Variants in MDN1 observed in about 807,000 individuals in gnomAD.
The protein encoded by MDN1 is midasin.
Under a neutral mutation model 669.2 loss-of-function variants are expected in MDN1, and 266 were observed. The observed-to-expected ratio is 0.40, with a 90% CI of 0.36 to 0.44. MDN1 has a LOEUF of 0.44. Among genes scored for constraint, MDN1 ranks in the 20% least tolerant of loss-of-function variants. The pLI, the probability that MDN1 is intolerant of heterozygous loss-of-function variation, is 1.00. For synonymous variants in MDN1, 2,385 were observed against 2,457.1 expected (o/e 0.97, Z 0.87); for missense variants, 5,940 against 6,754.0 (o/e 0.88, Z 4.22).
chr6:89,781,518 T>C lies in MDN1; in HGVS notation c.1524A>G (p.Gly508=). ...TATCACTCCAAGAGTGATGTTTCTC[T>C]CCAGTAAGTTGGATATAAATGTCAA... The part of the protein sequence containing the change: ...HLLDIYIQLT[G]EKHHSWSDSS... Residue 508 remains glycine (G), a synonymous_variant, in exon 10 of 102, where the codon GGA becomes GGG. Coordinates refer to ENST00000369393, the MANE Select transcript of MDN1 (RefSeq NM_014611.3). 6.2e-7 allele frequency: 1 copy of C among 1,613,886 alleles called. No homozygotes were observed. The highest frequency in any genetic ancestry group is 8.5e-7 in the Non-Finnish European group (1 of 1,179,816).
At chr6:89,802,821 T>C (rs1767755840) in intron 2 of MDN1, among the ~76,000 whole-genome samples, 1 of 152,248 alleles carries the variant, frequency 6.6e-6, no homozygotes, top group South Asian at 2.1e-4. Context: ...CTTTTGATTA[T>C]TCCTCAAAAC....
rs543655776 is a variant in MDN1 at position 89,745,632 on chromosome 6, A to C, written c.3905-6T>G. The C allele has an allele frequency of 5.6e-6, 9 of 1,608,832 alleles. No individual in the cohort carries two copies. The highest frequency in any genetic ancestry group is 7.6e-6 in the Non-Finnish European group (9 of 1,176,912). The stretch of plus-strand genomic sequence containing the variant: ...ACCTGCCAGAAGCATATAACCTGGG[A>C]GGAGGAGGAGGAAAAGGAGGAGAGG... On this transcript the variant is annotated splice_region_variant and splice_polypyrimidine_tract_variant and intron_variant, in intron 27 of 101. Transcript: ENST00000369393.
chr6:89,750,395 C>T lies in MDN1; in HGVS notation c.3365G>A (p.Cys1122Tyr), dbSNP rs746938689. Residue 1122 changes from cysteine to tyrosine, a missense_variant, in exon 24 of 102, where the codon TGT becomes TAT. Transcript: ENST00000369393. ...EHTDIQEYIG[C>Y]YTSDSSGKLV... ...CTTCCCTGAGGAGTCAGACGTGTAA[C>T]AACCAATGTACTCCTGAATATCCGT... 6.2e-7 allele frequency: 1 copy of T among 1,613,642 alleles called. No homozygotes were observed.
chr6:89,816,683 T>TC lies in MDN1; in HGVS notation c.102+2822_102+2823insG, dbSNP rs1768860865. 4.1e-5 allele frequency among the ~76,000 whole-genome samples: 6 copies of TC among 147,930 alleles called. No individual in the cohort carries two copies. The South Asian group carries it at 1.3e-3, about 33-fold the overall frequency. ...TCTCCACACCCCTATCTTTTTTTTT[T>TC]TTTTTTTTTGAGACAGAGTCTCGCT... On this transcript the variant is annotated intron_variant, in intron 1 of 101. Coordinates refer to ENST00000369393, the MANE Select transcript of MDN1 (RefSeq NM_014611.3).
chr6:89,661,449 C>T lies in MDN1; in HGVS notation c.14695G>A (p.Asp4899Asn), dbSNP rs752648941. The change falls in exon 88 of 102, where the codon GAC (aspartate) becomes AAC (asparagine). Residue 4899 changes from aspartate (D) to asparagine (N), a missense_variant. This residue lies in a region of MDN1 where 2,280 missense variants were observed against 2,576.3 expected (regional missense o/e 0.88). Transcript: ENST00000369393. Reference sequence around the variant, plus strand: ...GACGCACCTTCTCCTTCTTCATTGTCGGTGTCCTCACCACCATTCTTGTCT... The same window carrying T: ...GACGCACCTTCTCCTTCTTCATTGTTGGTGTCCTCACCACCATTCTTGTCT... ...SEDKNGGEDT[D>N]NEEGEEENPL... 77 of 1,613,248 alleles carry T rather than the reference C, an allele frequency of 4.8e-5. No individual in the cohort carries two copies. The highest frequency in any genetic ancestry group is 1.6e-4 in the Middle Eastern group (1 of 6,078).
In MDN1 at chr6:89,749,656, A is replaced by G; in HGVS notation, c.3502T>C (p.Leu1168=). 6.2e-7 allele frequency: 1 copy of G among 1,614,158 alleles called. No homozygotes were observed. Among genetic ancestry groups the G allele is most frequent in the Non-Finnish European group, 8.5e-7 (1 of 1,180,012 alleles). ...ACTAGCAATTCACGGTTATCATCCA[A>G]CAGCCTATTCAGCGCCTCTAACACA... is the stretch of plus-strand genomic sequence containing the variant. ...TDVLEALNRL[L]DDNRELLVTE... is the part of the protein sequence containing the mutation. The change falls in exon 25 of 102, where the codon TTG becomes CTG. Residue 1168 remains leucine, a synonymous_variant. Coordinates refer to ENST00000369393, the MANE Select transcript of MDN1 (RefSeq NM_014611.3).
At chr6:89,703,548 C>T (rs1813314043) in intron 53 of MDN1, among the ~76,000 whole-genome samples, 1 of 152,062 alleles carries the variant, frequency 6.6e-6, no homozygotes, top group South Asian at 2.1e-4. Flanking sequence ...TTAGTGATTT[C>T]CTATAGTGGT....
At chr6:89,804,145 G>A (rs1050676494) in intron 1 of MDN1, among the ~76,000 whole-genome samples, 1 of 149,830 alleles carries the variant, frequency 6.7e-6, no homozygotes, top group Non-Finnish European at 1.5e-5. Flanking sequence ...CCTGGCCAGA[G>A]GTGATCCAAC....
At chr6:89,699,392 A>G in intron 58 of MDN1, among the ~76,000 whole-genome samples, 1 of 152,232 alleles carries the variant, frequency 6.6e-6, no homozygotes, top group East Asian at 1.9e-4. Context: ...AAACCAAATG[A>G]ATACTCCTGT....
rs1460487713 is a variant in MDN1 at position 89,714,755 on chromosome 6, G to C, written c.6861-4C>G. On this transcript the variant is annotated splice_region_variant and splice_polypyrimidine_tract_variant and intron_variant, in intron 45 of 101. Coordinates refer to ENST00000369393, the MANE Select transcript of MDN1 (RefSeq NM_014611.3). ...AGGATCCATCGAGAGGAAAAGTCTA[G>C]AAAAATAGCAATTCAAAGAAAAAAA... 1 of 1,602,822 alleles carries C rather than the reference G, an allele frequency of 6.2e-7. No individual in the cohort carries two copies. The highest frequency in any genetic ancestry group is 1.4e-5 in the African/African-American group (1 of 73,960).
At chr6:89,810,698 A>C (rs1332200923) in intron 1 of MDN1, among the ~76,000 whole-genome samples, 1 of 151,832 alleles carries the variant, frequency 6.6e-6, no homozygotes, top group Non-Finnish European at 1.5e-5. Flanking sequence ...TTCTCTCCTC[A>C]TAAGAACAGT....
At chr6:89,756,161 G>A (rs755117317) in intron 20 of MDN1, 116 bp downstream of exon 20, 3 of 518,200 alleles carry the variant, frequency 5.8e-6, no homozygotes, top group Non-Finnish European at 1.0e-5. Flanking sequence ...TAATAATCCT[G>A]CCATCAGTTT....
chr6:89,725,064 C>T, intron 38 of MDN1, 135 bp downstream of exon 38: 1 of 772,686 alleles, frequency 1.3e-6, no homozygotes, highest in Non-Finnish European at 2.1e-6. Context: ...TAATATTGAT[C>T]ATATAAGGAC....
At position 89,695,956 on chromosome 6, in the gene MDN1, G is replaced by C. The variant is rs753307574; in HGVS notation, c.9420C>G (p.Phe3140Leu). 3.7e-6 allele frequency: 6 copies of C among 1,611,056 alleles called. No homozygotes were observed. Among genetic ancestry groups the C allele is most frequent in the Admixed American group, 3.3e-5 (2 of 59,980 alleles). ...GCTCTGCTAGGCCTGCCAGGTGCCG[G>C]AACAGCACCTGCCCCTGGAGTTGGG... ...TDSQLQGQVLFRHLAGLAELL... is the reference protein window; with the variant it reads ...TDSQLQGQVLLRHLAGLAELL... The change falls in exon 61 of 102, where the codon TTC becomes TTG. Residue 3140 changes from phenylalanine to leucine, a missense_variant. This residue lies in a region of MDN1 where 2,292 missense variants were observed against 2,638.3 expected (regional missense o/e 0.87). Coordinates refer to ENST00000369393, the MANE Select transcript of MDN1 (RefSeq NM_014611.3). The surrounding 1 kb of genome is among the most constrained non-coding windows in gnomAD (Gnocchi z 4.1).
chr6:89,657,134 G>C (rs1417998624), intron 90 of MDN1, among the ~76,000 whole-genome samples: 1 of 152,128 alleles, frequency 6.6e-6, no homozygotes, highest in African/African-American at 2.4e-5. Flanking sequence ...GTACACTTGA[G>C]GTTGTCATTT....
chr6:89,794,071 G>T, intron 4 of MDN1, 29 bp downstream of exon 4: 1 of 1,473,358 alleles, frequency 6.8e-7, no homozygotes, highest in Non-Finnish European at 9.3e-7. Context: ...AAATGCTATA[G>T]CAAGACCTCC....
Position 89,714,619 on chromosome 6 carries a change from G to A in MDN1, c.6993C>T (p.His2331=). 4.3e-6 allele frequency: 7 copies of A among 1,614,136 alleles called. No individual in the cohort carries two copies. Among genetic ancestry groups the A allele is most frequent in the Non-Finnish European group, 5.9e-6 (7 of 1,180,010 alleles). Residue 2331 remains histidine, a synonymous_variant, in exon 46 of 102, where the codon CAC becomes CAT. Coordinates refer to ENST00000369393, the MANE Select transcript of MDN1 (RefSeq NM_014611.3). ...CACTGTTCCCCACCAATCCAAGGCT[G>A]TGCAGCAGAACTTTCAAATCCAGGT... ...PDNLDLKVLL[H]SLGLVGNSVC...
chr6:89,688,024 T>C, intron 67 of MDN1, 54 bp downstream of exon 67: 1 of 1,419,304 alleles, frequency 7.0e-7, no homozygotes, highest in Non-Finnish European at 1.0e-6. Context: ...CCACAAGACG[T>C]ATCTTTTGCC....
At chr6:89,664,361 C>T (rs552079376) in intron 85 of MDN1, 126 bp downstream of exon 85, 5 of 1,171,896 alleles carry the variant, frequency 4.3e-6, no homozygotes, top group Admixed American at 4.4e-5. Flanking sequence ...TTTTCATTTG[C>T]ACTTAAGCAC....
Sources: gnomAD v4.1 joint callset for allele counts (sites outside exome capture counted in the v4.1 genomes callset) on GRCh38, gnomAD v4.1.1 for gene constraint, gnomAD v4.1.1 regional missense constraint, Gnocchi (gnomAD v3.1) non-coding constraint, MANE v1.5 for transcripts, NCBI Gene and HGNC (gene_info 2026-07-23, HGNC 2026-07-21) for gene names.